HSPB8: variants seen among roughly 807,000 people sequenced by gnomAD.
The protein encoded by HSPB8 is heat shock protein beta-8.
A neutral mutation model predicts 16.5 loss-of-function variants in HSPB8; 9 were observed. The observed-to-expected ratio is 0.55, with a 90% CI of 0.33 to 0.95. The LOEUF (loss-of-function observed/expected upper bound fraction) is 0.95. HSPB8 is among the 40% of genes least tolerant of loss of function. The probability of loss-of-function intolerance (pLI) is 0.03; values close to 1 mark genes in which losing one functional copy is unlikely to be tolerated. For missense variants in HSPB8, 238 were observed against 251.2 expected (o/e 0.95, Z 0.35); for synonymous variants, 99 against 94.8 (o/e 1.04, Z -0.26).
rs775907224 is a variant in HSPB8 at position 119,186,979 on chromosome 12, C to T, written c.368-46C>T. 7 of 1,585,504 alleles carry T rather than the reference C, an allele frequency of 4.4e-6. No homozygotes were observed. In the African/African-American group the frequency reaches 6.7e-5, roughly 15 times the overall value. On this transcript the variant is annotated intron_variant, in intron 1 of 2. Transcript: ENST00000281938. ...ACCCAAGCCTCAGTCCTGAAGGATG[C>T]CCAAGGAACATAGATGCTGACACGC...
chr12:119,193,972 CG>C lies in HSPB8; in HGVS notation c.*119del. Reference sequence around the variant, plus strand: ...AGTGCAAGTAAAATGTTAGAGGGTGCGGGGGTGAGGACTGACCACAGATTCC... The same window carrying C: ...AGTGCAAGTAAAATGTTAGAGGGTGCGGGGTGAGGACTGACCACAGATTCC... On this transcript the variant is annotated 3_prime_UTR_variant, in exon 3 of 3. Coordinates refer to ENST00000281938, the MANE Select transcript of HSPB8 (RefSeq NM_014365.3). 1.7e-6 allele frequency: 2 copies of C among 1,179,704 alleles called. No individual in the cohort carries two copies. The highest frequency in any genetic ancestry group is 2.5e-6 in the Non-Finnish European group (2 of 793,882). The allele number at this position is 1,179,704 out of a possible 1,614,324, so 73.1% of individuals were successfully genotyped here.
intron 2 of HSPB8, among the ~76,000 whole-genome samples, chr12:119,189,130 C>T (rs995287183): frequency 1.3e-5 from 2 of 152,148 alleles, no homozygotes; most frequent in Admixed American, 1.3e-4. Context: ...TGCCCCACAC[C>T]TCTCCCTGGT....
intron 2 of HSPB8, among the ~76,000 whole-genome samples, chr12:119,191,833 G>A (rs1048770871): frequency 3.3e-5 from 5 of 152,178 alleles, no homozygotes; most frequent in Admixed American, 2.0e-4. Flanking sequence ...CTCTGAGTTT[G>A]GAGACCAGGA....
intron 2 of HSPB8, among the ~76,000 whole-genome samples, chr12:119,192,613 G>A (rs933625561): frequency 6.6e-6 from 1 of 151,958 alleles, no homozygotes; most frequent in South Asian, 2.1e-4. Context: ...CCAAGATCGC[G>A]CCACTGAACT....
chr12:119,179,068 G>C lies in HSPB8; in HGVS notation c.-245G>C. 1.7e-6 allele frequency: 1 copy of C among 583,790 alleles called. No individual in the cohort carries two copies. Among genetic ancestry groups the C allele is most frequent in the South Asian group, 1.9e-5 (1 of 51,602 alleles). 36.2% of individuals were successfully genotyped at this position (583,790 alleles called of 1,614,324 possible). The stretch of plus-strand genomic sequence containing the variant: ...TGGCTTGCCGGTCTGTCGTGAGGCA[G>C]TGCGGACGGGGACCCTCTGGGATTC... On this transcript the variant is annotated 5_prime_UTR_variant, in exon 1 of 3. Coordinates refer to ENST00000281938, the MANE Select transcript of HSPB8 (RefSeq NM_014365.3).
chr12:119,194,703 AATT>A lies in HSPB8; in HGVS notation c.*847_*849del. On this transcript the variant is annotated 3_prime_UTR_variant, in exon 3 of 3. Transcript: ENST00000281938. ...TGTTTAGGGGTAAATAACAGTAAAT[AATT>A]AATAATAATAATAATAATAATAAAG... The A allele has an allele frequency of 5.2e-6, 1 of 191,740 alleles. No homozygotes were observed. Among genetic ancestry groups the A allele is most frequent in the Non-Finnish European group, 8.1e-6 (1 of 122,786 alleles). The allele number at this position is 191,740 out of a possible 1,614,324, so 11.9% of individuals were successfully genotyped here. A position where few individuals can be genotyped will look rare whatever the true frequency, so the allele number is the denominator to read the frequency against.
At chr12:119,192,896 T>C (rs1954720977) in intron 2 of HSPB8, among the ~76,000 whole-genome samples, 1 of 152,078 alleles carries the variant, frequency 6.6e-6, no homozygotes, top group African/African-American at 2.4e-5. Flanking sequence ...CAAAAAATCT[T>C]ATAAAACCGT....
intron 1 of HSPB8, chr12:119,182,004 A>T (rs1364590091): frequency 6.6e-6 from 1 of 151,894 alleles, no homozygotes; most frequent in Non-Finnish European, 1.5e-5. Context: ...CCAAGGGTCG[A>T]CTCCACCCTG....
intron 2 of HSPB8, among the ~76,000 whole-genome samples, chr12:119,192,890 A>G (rs1029973218): frequency 1.3e-5 from 2 of 152,130 alleles, no homozygotes; most frequent in Non-Finnish European, 2.9e-5. Flanking sequence ...ACCAAGCAAA[A>G]AATCTTATAA....
intron 1 of HSPB8, among the ~76,000 whole-genome samples, chr12:119,180,179 A>C (rs1954627901): frequency 6.6e-6 from 1 of 152,206 alleles, no homozygotes; most frequent in Non-Finnish European, 1.5e-5. Flanking sequence ...AGTAACACTA[A>C]CTGGTAACTC....
chr12:119,188,935 A>T (rs983128830), intron 2 of HSPB8, among the ~76,000 whole-genome samples: 1 of 152,146 alleles, frequency 6.6e-6, no homozygotes, highest in African/African-American at 2.4e-5. Context: ...GTGTGGAGAG[A>T]TCACACTAGC....
intron 2 of HSPB8, among the ~76,000 whole-genome samples, chr12:119,188,998 C>A (rs60777658): frequency 1.3e-5 from 2 of 152,208 alleles, no homozygotes; most frequent in Admixed American, 1.3e-4. Context: ...TCTCTTCCCC[C>A]ACATGTCCGT....
intron 2 of HSPB8, among the ~76,000 whole-genome samples, chr12:119,188,406 C>T (rs1954690807): frequency 6.6e-6 from 1 of 152,008 alleles, no homozygotes; most frequent in South Asian, 2.1e-4. Flanking sequence ...GCCACCATGC[C>T]TGGCTAATTT....
intron 2 of HSPB8, 53 bp downstream of exon 2, chr12:119,187,141 C>A: frequency 7.0e-7 from 1 of 1,430,132 alleles, no homozygotes; most frequent in Non-Finnish European, 9.9e-7. Flanking sequence ...AGGGGGCACA[C>A]CTGGGACCCA....
intron 1 of HSPB8, among the ~76,000 whole-genome samples, 191 bp downstream of exon 1, chr12:119,179,870 T>C (rs1219258981): frequency 6.6e-6 from 1 of 152,174 alleles, no homozygotes; most frequent in Non-Finnish European, 1.5e-5. Context: ...GCAGAGATCT[T>C]AACCTGCCTG....
At chr12:119,180,475 T>C (rs1199655209) in intron 1 of HSPB8, among the ~76,000 whole-genome samples, 4 of 152,122 alleles carry the variant, frequency 2.6e-5, no homozygotes. Context: ...CTCAGTCCAC[T>C]CCAGGGTAGC....
intron 2 of HSPB8, among the ~76,000 whole-genome samples, chr12:119,189,896 C>A (rs780977747): frequency 1.8e-4 from 27 of 152,208 alleles, no homozygotes; most frequent in Non-Finnish European, 8.8e-5. Flanking sequence ...TCCCAGGACC[C>A]TCCTCCATCA....
Position 119,179,531 on chromosome 12 carries a change from C to T in HSPB8, c.219C>T (p.Pro73=). 1.2e-6 allele frequency: 2 copies of T among 1,613,846 alleles called. No individual in the cohort carries two copies. The highest frequency in any genetic ancestry group is 1.7e-6 in the Non-Finnish European group (2 of 1,179,906). Residue 73 remains proline (P), a synonymous_variant, in exon 1 of 3, where the codon CCC becomes CCT. Transcript: ENST00000281938. ...TLRSGMVPRG[P]TATARFGVPA... is the part of the protein sequence containing the mutation. ...GGTCGGGCATGGTGCCCCGGGGCCCCACTGCCACCGCCAGGTTTGGGGTGC... is the reference window on the plus strand; with the variant it reads ...GGTCGGGCATGGTGCCCCGGGGCCCTACTGCCACCGCCAGGTTTGGGGTGC...
At chr12:119,191,727 T>C (rs1389808192) in intron 2 of HSPB8, among the ~76,000 whole-genome samples, 2 of 152,006 alleles carry the variant, frequency 1.3e-5, no homozygotes, top group African/African-American at 4.8e-5. Context: ...CAGGGATCAG[T>C]GGAAAGATTT....
Sources: allele counts gnomAD v4.1 joint callset (sites outside exome capture counted in the v4.1 genomes callset), GRCh38; gene constraint gnomAD v4.1.1; transcripts MANE v1.5; gene names NCBI Gene and HGNC (gene_info 2026-07-23, HGNC 2026-07-21).